Variants in ELMO1 observed in about 807,000 individuals in gnomAD.
ELMO1 encodes engulfment and cell motility 1, also known as engulfment and cell motility protein 1.
A neutral mutation model predicts 98.9 loss-of-function variants in ELMO1; 26 were observed. That is an observed-to-expected ratio of 0.26 (90% CI 0.19 to 0.36). The LOEUF (loss-of-function observed/expected upper bound fraction) is 0.36. Among genes scored for constraint, ELMO1 ranks in the 10% least tolerant of loss-of-function variants. The pLI, the probability that ELMO1 is intolerant of heterozygous loss-of-function variation, is 1.00. For missense variants in ELMO1, 627 were observed against 935.2 expected (o/e 0.67, Z 4.30); for synonymous variants, 346 against 346.0 (o/e 1.00, Z 0.00).
rs373388991 is a variant in ELMO1 at position 36,984,261 on chromosome 7, C to G, written c.1437+29038G>C. On this transcript the variant is annotated intron_variant, in intron 16 of 21. Coordinates refer to ENST00000310758, the MANE Select transcript of ELMO1 (RefSeq NM_014800.11). The stretch of plus-strand genomic sequence containing the variant: ...CAGTCAGGCAGAATTCTCAATGTAT[C>G]CAGCCATCTGGAGCCTCATGGGATC... Among the ~76,000 whole-genome samples the G allele has an allele frequency of 5.8e-4, 88 of 152,316 alleles. 2 individuals carry two copies. Among genetic ancestry groups the G allele is most frequent in the African/African-American group, 2.1e-3 (87 of 41,570 alleles).
intron 16 of ELMO1, among the ~76,000 whole-genome samples, chr7:36,939,203 C>T (rs1296891223): frequency 6.7e-6 from 1 of 148,986 alleles, no homozygotes; most frequent in African/African-American, 2.6e-5. Context: ...CCACAGCATA[C>T]AAAGGCCAAA....
intron 16 of ELMO1, among the ~76,000 whole-genome samples, chr7:36,901,037 T>C (rs1273724630): frequency 6.6e-6 from 1 of 152,168 alleles, no homozygotes; most frequent in African/African-American, 2.4e-5. Flanking sequence ...TGTGGAGAAA[T>C]GGCCTTGCCC....
rs149223362 is a variant in ELMO1 at position 37,339,915 on chromosome 7, C to A, written c.78+2698G>T. 6.6e-5 allele frequency among the ~76,000 whole-genome samples: 10 copies of A among 152,246 alleles called. No homozygotes were observed. In the East Asian group the frequency reaches 1.9e-3, roughly 29 times the overall value. On this transcript the variant is annotated intron_variant, in intron 2 of 21. Transcript: ENST00000310758. ...TTTCTCTACATTTCTGCCAAAAATA[C>A]AAAACTCGAATCTGATCAGCAGGAT...
At chr7:37,424,980 C>T (rs1400521872) in intron 1 of ELMO1, among the ~76,000 whole-genome samples, 1 of 152,064 alleles carries the variant, frequency 6.6e-6, no homozygotes, top group African/African-American at 2.4e-5. Context: ...CTGCCTCATA[C>T]TAGAAACTGG....
intron 13 of ELMO1, among the ~76,000 whole-genome samples, chr7:37,151,921 A>T (rs1788390743): frequency 6.6e-6 from 1 of 152,114 alleles, no homozygotes; most frequent in Non-Finnish European, 1.5e-5. Context: ...TAGCCCATGG[A>T]AATCTGCCCA....
At chr7:37,120,225 C>T (rs62445787) in intron 14 of ELMO1, among the ~76,000 whole-genome samples, 2,817 of 152,262 alleles carry the variant, frequency 0.019, 90 homozygotes, top group Non-Finnish European at 0.022. Flanking sequence ...ACTCAGAAAA[C>T]GGGTGATTTC....
intron 16 of ELMO1, among the ~76,000 whole-genome samples, chr7:36,899,682 A>ATTTTTTTTTTTTTTTTTTTTTTTTTTTT (rs1178774148): frequency 1.9e-4 from 1 of 5,390 alleles, no homozygotes; most frequent in African/African-American, 5.8e-4. Context: ...ATCTTTACTC[A>ATTTTTTTTTTTTTTTTTTTTTTTTTTTT]TCTTTTTTTT....
chr7:36,952,341 G>A (rs759746743), intron 16 of ELMO1, among the ~76,000 whole-genome samples: 15 of 152,166 alleles, frequency 9.9e-5, no homozygotes, highest in Non-Finnish European at 1.5e-4. Flanking sequence ...ACGTGGCCAC[G>A]GGAGGTGGGA....
intron 1 of ELMO1, among the ~76,000 whole-genome samples, chr7:37,411,088 T>C (rs1021183402): frequency 6.6e-6 from 1 of 152,250 alleles, no homozygotes; most frequent in Admixed American, 6.5e-5. Flanking sequence ...GTATAACATT[T>C]TCCTGGTTCT....
chr7:37,236,527 G>C (rs1363772747), intron 7 of ELMO1, among the ~76,000 whole-genome samples: 1 of 151,944 alleles, frequency 6.6e-6, no homozygotes, highest in Non-Finnish European at 1.5e-5. Flanking sequence ...ATATATAATA[G>C]GACCTATTTT....
chr7:37,294,213 G>A (rs1797909448), intron 4 of ELMO1, among the ~76,000 whole-genome samples: 1 of 152,062 alleles, frequency 6.6e-6, no homozygotes. Flanking sequence ...CATAGGCTTG[G>A]GTATTCTCTC....
At chr7:37,160,368 A>G (rs1789117766) in intron 13 of ELMO1, among the ~76,000 whole-genome samples, 1 of 152,240 alleles carries the variant, frequency 6.6e-6, no homozygotes, top group African/African-American at 2.4e-5. Context: ...TCTTTCCTGA[A>G]CAGACCTGGA....
chr7:36,887,933 G>A (rs1004267717), intron 17 of ELMO1, among the ~76,000 whole-genome samples: 1 of 152,156 alleles, frequency 6.6e-6, no homozygotes. Flanking sequence ...AGAGCAAAGT[G>A]TCCTGAAAAT....
In ELMO1 at chr7:37,016,638, C is replaced by T. The variant is rs141949551; in HGVS notation, c.1301-3203G>A. 4.1e-3 allele frequency among the ~76,000 whole-genome samples: 628 copies of T among 152,316 alleles called. 2 individuals carry two copies. The highest frequency in any genetic ancestry group is 0.015 in the African/African-American group (605 of 41,574). On this transcript the variant is annotated intron_variant, in intron 15 of 21. Coordinates refer to ENST00000310758, the MANE Select transcript of ELMO1 (RefSeq NM_014800.11). ...GATCACAGCAAGTGCGTAGCCAGTGCCTGCTGACTGAGAACACTCGGCCAT... is the reference window on the plus strand; with the variant it reads ...GATCACAGCAAGTGCGTAGCCAGTGTCTGCTGACTGAGAACACTCGGCCAT...
chr7:37,409,259 G>A (rs1803900805), intron 1 of ELMO1, among the ~76,000 whole-genome samples: 1 of 152,030 alleles, frequency 6.6e-6, no homozygotes, highest in South Asian at 2.1e-4. Context: ...CCCTTAACTA[G>A]TGATAATAAT....
intron 7 of ELMO1, among the ~76,000 whole-genome samples, chr7:37,236,372 T>G (rs1475123734): frequency 6.6e-6 from 1 of 152,194 alleles, no homozygotes; most frequent in South Asian, 2.1e-4. Context: ...TAGAGCTATA[T>G]GTGCTTCTCA....
chr7:37,374,916 C>T (rs1044606170), intron 1 of ELMO1, among the ~76,000 whole-genome samples: 17 of 151,676 alleles, frequency 1.1e-4, no homozygotes, highest in African/African-American at 2.9e-4. Flanking sequence ...AAAAATTAGC[C>T]GGGCGTGGTG....
In ELMO1 at chr7:37,370,634, CAAG is replaced by C. The variant is rs1344073611; in HGVS notation, c.-73-27874_-73-27872del. 6.6e-5 allele frequency among the ~76,000 whole-genome samples: 10 copies of C among 152,166 alleles called. No individual in the cohort carries two copies. The East Asian group carries it at 9.6e-4, about 15-fold the overall frequency. The stretch of plus-strand genomic sequence containing the variant: ...CATATCCAGGCATTTCATGAAAAAA[CAAG>C]AAGGTCAATAAACCTATAAAAAGAA... On this transcript the variant is annotated intron_variant, in intron 1 of 21. Transcript: ENST00000310758.
chr7:37,010,619 C>T (rs1793477905), intron 16 of ELMO1, among the ~76,000 whole-genome samples: 1 of 152,130 alleles, frequency 6.6e-6, no homozygotes, highest in East Asian at 1.9e-4. Context: ...GTGAAAAAGG[C>T]AAGGAAACAA....
Sources: gnomAD v4.1 joint callset for allele counts (sites outside exome capture counted in the v4.1 genomes callset) on GRCh38, gnomAD v4.1.1 for gene constraint, MANE v1.5 for transcripts, NCBI Gene and HGNC (gene_info 2026-07-23, HGNC 2026-07-21) for gene names.